The following GOLGA3 variants were observed in gnomAD, a reference collection of about 807,000 sequenced individuals.
GOLGA3 encodes golgin subfamily A member 3.
In GOLGA3, 75 loss-of-function variants were observed where a neutral mutation model predicts 169.4. That is an observed-to-expected ratio of 0.44 (90% CI 0.37 to 0.54). The LOEUF (loss-of-function observed/expected upper bound fraction) is 0.54, where lower values mean the gene tolerates loss of function less well. GOLGA3 is among the 20% of genes least tolerant of loss of function. The pLI, the probability that GOLGA3 is intolerant of heterozygous loss-of-function variation, is 0.00. For missense variants in GOLGA3, 1,899 were observed against 1,930.0 expected, an observed-to-expected ratio of 0.98 and a Z score of 0.30; for synonymous variants, 824 against 822.4, an observed-to-expected ratio of 1.00 and a Z score of -0.03.
Position 132,821,919 on chromosome 12 carries a change from A to G in GOLGA3, c.133+77T>C, listed in dbSNP as rs146093625. On this transcript the variant is annotated intron_variant, in intron 2 of 23. Coordinates refer to ENST00000450791, the MANE Select transcript of GOLGA3 (RefSeq NM_001389683.1). ...AAGCTCACAGTGGTCTCAACGCCAC[A>G]TCCTCCCTCAACACCACGTCCTCCC... The G allele has an allele frequency of 3.1e-4, 287 of 917,996 alleles. 1 individual carries two copies. In the African/African-American group the frequency reaches 4.3e-3, roughly 14 times the overall value. 56.9% of individuals were successfully genotyped at this position (917,996 alleles called of 1,614,324 possible).
At chr12:132,807,865 C>T (rs1475805614) in intron 5 of GOLGA3, 26 bp downstream of exon 5, 2 of 1,357,152 alleles carry the variant, frequency 1.5e-6, no homozygotes, top group Non-Finnish European at 1.0e-6. Context: ...TCCACCCACC[C>T]CGCCCACCTC....
intron 13 of GOLGA3, among the ~76,000 whole-genome samples, chr12:132,787,282 G>A (rs2009484): frequency 0.83 from 126,710 of 151,954 alleles, 53,056 homozygotes; most frequent in East Asian, 0.9. Context: ...ACCAACAAGC[G>A]TTTCCAAACA....
At position 132,776,835 on chromosome 12, in the gene GOLGA3, T is replaced by C. The variant is rs1223871889; in HGVS notation, c.3856-79A>G. The C allele has an allele frequency of 3.2e-6, 5 of 1,572,766 alleles. No individual in the cohort carries two copies. The Admixed American group carries it at 9.1e-5, about 29-fold the overall frequency. On this transcript the variant is annotated intron_variant, in intron 20 of 23. Transcript: ENST00000450791. ...CTGGAAAATGGCTCTAGCTGTGTTTTGGTTTATCTTTTAATACCATATTCA... is the reference window on the plus strand; with the variant it reads ...CTGGAAAATGGCTCTAGCTGTGTTTCGGTTTATCTTTTAATACCATATTCA...
chr12:132,773,982 G>A (rs934524194), intron 23 of GOLGA3, among the ~76,000 whole-genome samples, 175 bp downstream of exon 23: 1 of 150,186 alleles, frequency 6.7e-6, no homozygotes, highest in Non-Finnish European at 1.5e-5. Flanking sequence ...AAGGCTGTGT[G>A]TGCAAGTCCC....
intron 13 of GOLGA3, among the ~76,000 whole-genome samples, chr12:132,788,718 G>T (rs1188430172): frequency 6.6e-6 from 1 of 152,162 alleles, no homozygotes; most frequent in East Asian, 1.9e-4. Flanking sequence ...GATCCCGGGA[G>T]CCCATGGCAA....
chr12:132,787,627 C>T (rs544874714), intron 13 of GOLGA3, among the ~76,000 whole-genome samples: 4 of 120,584 alleles, frequency 3.3e-5, no homozygotes, highest in South Asian at 2.8e-4. Context: ...CCCGGGACCC[C>T]TCCCCGGAGA....
Position 132,784,217 on chromosome 12 carries a change from T to C in GOLGA3, c.3214A>G (p.Thr1072Ala), listed in dbSNP as rs767385549. The C allele has an allele frequency of 6.2e-7, 1 of 1,610,962 alleles. No individual in the cohort carries two copies. Among genetic ancestry groups the C allele is most frequent in the South Asian group, 1.1e-5 (1 of 91,088 alleles). ...CGGGACTCCTCCAGCTCCTGGCTGG[T>C]CAGCGCTATGACCTCCTGCAGTTCC... Reference protein sequence around the residue: ...EKELQEVIALTSQELEESREK... With the variant: ...EKELQEVIALASQELEESREK... Residue 1072 changes from threonine (T) to alanine (A), a missense_variant, in exon 16 of 24, where the codon ACC becomes GCC. Thr to Ala is a moderately conservative substitution (Grantham distance 58). Coordinates refer to ENST00000450791, the MANE Select transcript of GOLGA3 (RefSeq NM_001389683.1).
At chr12:132,784,423 C>CTGG in intron 15 of GOLGA3, 116 bp from the exon 16 acceptor site, 1 of 838,824 alleles carries the variant, frequency 1.2e-6, no homozygotes, top group Non-Finnish European at 1.9e-6. Flanking sequence ...CACCAGCTGT[C>CTGG]TGACACAGTC....
chr12:132,796,569 C>G lies in GOLGA3; in HGVS notation c.2070G>C (p.Ser690=). The change falls in exon 10 of 24, where the codon TCG becomes TCC. Residue 690 remains serine, a synonymous_variant. Coordinates refer to ENST00000450791, the MANE Select transcript of GOLGA3 (RefSeq NM_001389683.1). ...ERERLQRMAD[S]AASLEQQLEQ... ...CCAGCTGCTGCTCCAGGGATGCCGCCGAGTCCGCCATCCTCTGCAGCCGCT... is the reference window on the plus strand; with the variant it reads ...CCAGCTGCTGCTCCAGGGATGCCGCGGAGTCCGCCATCCTCTGCAGCCGCT... 6.2e-7 allele frequency: 1 copy of G among 1,612,744 alleles called. No homozygotes were observed. Among genetic ancestry groups the G allele is most frequent in the Non-Finnish European group, 8.5e-7 (1 of 1,179,950 alleles).
In GOLGA3 at chr12:132,774,303, G is replaced by A. The variant is rs556047563; in HGVS notation, c.4161C>T (p.Gly1387=). 28 of 1,612,158 alleles carry A rather than the reference G, an allele frequency of 1.7e-5. No homozygotes were observed. The African/African-American group carries it at 2.0e-4, about 12-fold the overall frequency. Residue 1387 remains glycine (G), a synonymous_variant, in exon 23 of 24, where the codon GGC becomes GGT. Coordinates refer to ENST00000450791, the MANE Select transcript of GOLGA3 (RefSeq NM_001389683.1). ...GAAKTRKEPK[G]EASSSNPATP... is the part of the protein sequence containing the mutation. Reference sequence around the variant, plus strand: ...TGGCAGGGTTGGAAGAGCTGGCCTCGCCTTTCGGCTCCTTTCTCTGTTTTT... The same window carrying A: ...TGGCAGGGTTGGAAGAGCTGGCCTCACCTTTCGGCTCCTTTCTCTGTTTTT...
intron 12 of GOLGA3, 102 bp downstream of exon 12, chr12:132,791,114 T>C (rs2046209319): frequency 2.2e-6 from 1 of 459,630 alleles, no homozygotes; most frequent in South Asian, 3.0e-5. Context: ...GATGTTACCT[T>C]CTTCTCAACT....
rs754504058 is a variant in GOLGA3, at chr12:132,774,137, A to C, written c.4307+20T>G. On this transcript the variant is annotated intron_variant, in intron 23 of 23. Transcript: ENST00000450791. ...TAATCTTTAAGACTAGCTGAAGTGC[A>C]GCACGGAATACGGTCGTACTTGAGC... 1 of 1,555,164 alleles carries C rather than the reference A, an allele frequency of 6.4e-7. No individual in the cohort carries two copies. Among genetic ancestry groups the C allele is most frequent in the East Asian group, 2.3e-5 (1 of 44,200 alleles).
In GOLGA3 at chr12:132,810,419, T is replaced by C. The variant is rs1187809880; in HGVS notation, c.520-1870A>G. On this transcript the variant is annotated intron_variant, in intron 4 of 23. Transcript: ENST00000450791. ...CGAACTGTTCCAGTATAATAAAGTA[T>C]ATAAAATAAGAATAGTTATACCAGA... 2.0e-5 allele frequency among the ~76,000 whole-genome samples: 3 copies of C among 152,184 alleles called. No homozygotes were observed. The South Asian group carries it at 6.2e-4, about 31-fold the overall frequency.
chr12:132,809,513 G>A (rs10870517), intron 4 of GOLGA3, among the ~76,000 whole-genome samples: 23,366 of 139,344 alleles, frequency 0.17, 2,016 homozygotes, highest in Middle Eastern at 0.26. Context: ...GCTGGACCAC[G>A]ATCCGCCTGG....
rs751219373 is a variant in GOLGA3 at position 132,808,017 on chromosome 12, G to C, written c.1052C>G (p.Pro351Arg). 1.4e-5 allele frequency: 22 copies of C among 1,610,732 alleles called. No individual in the cohort carries two copies. The African/African-American group carries it at 2.4e-4, about 18-fold the overall frequency. The change falls in exon 5 of 24, where the codon CCT becomes CGT. Residue 351 changes from proline to arginine, a missense_variant. Physicochemically the swap from Pro to Arg is moderately radical, Grantham distance 103. Coordinates refer to ENST00000450791, the MANE Select transcript of GOLGA3 (RefSeq NM_001389683.1). ...TPYMVNGQEI[P>R]ADTLGQFPSI... ...GGGGAACTGGCCCAGGGTATCCGCA[G>C]GAATCTCCTGGCCGTTGACCATATA...
chr12:132,789,018 C>A lies in GOLGA3; in HGVS notation c.2811+9G>T. The A allele has an allele frequency of 6.7e-7, 1 of 1,497,986 alleles. No homozygotes were observed. The highest frequency in any genetic ancestry group is 9.0e-7 in the Non-Finnish European group (1 of 1,110,748). The allele number at this position is 1,497,986 out of a possible 1,614,324, so 92.8% of individuals were successfully genotyped here. ...CCCCATCAAATGAGTCAACCCGACA[C>A]GGACAGACCTGCAAGTGTGTTTCCA... On this transcript the variant is annotated intron_variant, in intron 13 of 23. Coordinates refer to ENST00000450791, the MANE Select transcript of GOLGA3 (RefSeq NM_001389683.1).
chr12:132,791,619 A>G (rs1282119387), intron 11 of GOLGA3, among the ~76,000 whole-genome samples: 1 of 136,594 alleles, frequency 7.3e-6, no homozygotes, highest in Non-Finnish European at 1.6e-5. Flanking sequence ...ACTGAGGACT[A>G]TAGGAGGGGA....
chr12:132,774,856 C>G (rs893818601), intron 22 of GOLGA3: 36 of 530,246 alleles, frequency 6.8e-5, no homozygotes, highest in Non-Finnish European at 1.1e-4. Context: ...CCTTCACACA[C>G]AGCAGGGACT....
chr12:132,806,950 TAGAGACGCAGGGAGAAACAC>T, intron 6 of GOLGA3, among the ~76,000 whole-genome samples: 1 of 151,990 alleles, frequency 6.6e-6, no homozygotes, highest in South Asian at 2.1e-4. Context: ...AATATTCTGG[TAGAGACGCAGGGAGAAACAC>T]GCCCATGCAC....
Sources: gnomAD v4.1 joint callset for allele counts (sites outside exome capture counted in the v4.1 genomes callset) on GRCh38, gnomAD v4.1.1 for gene constraint, MANE v1.5 for transcripts, NCBI Gene and HGNC (gene_info 2026-07-23, HGNC 2026-07-21) for gene names.